KPNA3: variants seen among roughly 807,000 people sequenced by gnomAD.
KPNA3 encodes the protein importin subunit alpha-4.
Under a neutral mutation model 73.8 loss-of-function variants are expected in KPNA3, and 13 were observed. That is an observed-to-expected ratio of 0.18 (90% CI 0.11 to 0.28). The LOEUF (loss-of-function observed/expected upper bound fraction) is 0.28, where lower values mean the gene tolerates loss of function less well. Among genes scored for constraint, KPNA3 ranks in the 10% least tolerant of loss-of-function variants. The pLI is 1.00. For synonymous variants in KPNA3, 186 were observed against 206.9 expected, an observed-to-expected ratio of 0.90 and a Z score of 0.87; for missense variants, 360 against 618.1, an observed-to-expected ratio of 0.58 and a Z score of 4.43.
rs182336873 is a variant in KPNA3, at chr13:49,709,220, G to A, written c.1032+352C>T. Among the ~76,000 whole-genome samples, 387 of 152,116 alleles carry A rather than the reference G, an allele frequency of 2.5e-3. 1 individual carries two copies. Among genetic ancestry groups the A allele is most frequent in the African/African-American group, 9.1e-3 (377 of 41,482 alleles). On this transcript the variant is annotated intron_variant, in intron 12 of 16. Transcript: ENST00000261667. The stretch of plus-strand genomic sequence containing the variant: ...GTTCGAGACCAGCCTGGCCAATATG[G>A]TGAAACCCCATCTCTACTAAAAATA...
chr13:49,709,451 T>A, intron 12 of KPNA3, 121 bp downstream of exon 12: 4 of 686,998 alleles, frequency 5.8e-6, no homozygotes, highest in South Asian at 2.8e-5. Context: ...TGATTTAAAA[T>A]AATTCTCATC....
chr13:49,771,154 AAGC>A (rs1954852345), intron 1 of KPNA3, among the ~76,000 whole-genome samples: 1 of 151,364 alleles, frequency 6.6e-6, no homozygotes, highest in African/African-American at 2.4e-5. Context: ...AGAGAAAAAG[AAGC>A]CAAAAGAAAA....
At chr13:49,764,798 C>G (rs1281377853) in intron 1 of KPNA3, among the ~76,000 whole-genome samples, 5 of 151,276 alleles carry the variant, frequency 3.3e-5, no homozygotes, top group African/African-American at 1.2e-4. Context: ...TTTCTTTTAA[C>G]TAGTTCCTGT....
chr13:49,734,883 T>C (rs1954505181), intron 2 of KPNA3, among the ~76,000 whole-genome samples: 1 of 151,052 alleles, frequency 6.6e-6, no homozygotes, highest in African/African-American at 2.4e-5. Context: ...CCCTTCTAAT[T>C]TTGCAAATTT....
chr13:49,778,698 C>G (rs757286455), intron 1 of KPNA3, among the ~76,000 whole-genome samples: 2 of 152,138 alleles, frequency 1.3e-5, no homozygotes, highest in African/African-American at 2.4e-5. Context: ...GTGGCCTCCA[C>G]CTCATGGACT....
intron 7 of KPNA3, among the ~76,000 whole-genome samples, chr13:49,724,464 C>T (rs1057323629): frequency 2.6e-5 from 4 of 151,718 alleles, no homozygotes; most frequent in Admixed American, 2.0e-4. Context: ...CCACCATGCC[C>T]GGCTAATTTT....
At chr13:49,768,139 C>T (rs1475595529) in intron 1 of KPNA3, among the ~76,000 whole-genome samples, 1 of 151,822 alleles carries the variant, frequency 6.6e-6, no homozygotes, top group Non-Finnish European at 1.5e-5. Flanking sequence ...ATTAGCCGGG[C>T]GTGGTGGCAG....
intron 6 of KPNA3, among the ~76,000 whole-genome samples, chr13:49,731,317 G>C (rs1461718208): frequency 7.8e-6 from 1 of 128,512 alleles, no homozygotes; most frequent in Non-Finnish European, 1.5e-5. Flanking sequence ...TCGAACTCCT[G>C]GACTCAAGCG....
At chr13:49,765,402 C>T (rs889391285) in intron 1 of KPNA3, among the ~76,000 whole-genome samples, 14 of 152,150 alleles carry the variant, frequency 9.2e-5, no homozygotes, top group South Asian at 4.1e-4. Flanking sequence ...GTCATAACAG[C>T]TTTGAGATAT....
intron 12 of KPNA3, among the ~76,000 whole-genome samples, chr13:49,709,282 T>A (rs1359610920): frequency 6.6e-6 from 1 of 151,370 alleles, no homozygotes; most frequent in Non-Finnish European, 1.5e-5. Context: ...GCACCTGTAG[T>A]CCCAGCTTCT....
intron 1 of KPNA3, among the ~76,000 whole-genome samples, chr13:49,781,459 G>A (rs1283635440): frequency 6.6e-6 from 1 of 151,164 alleles, no homozygotes; most frequent in African/African-American, 2.4e-5. Context: ...TAAACTTTGT[G>A]AGGATTATTT....
At chr13:49,737,454 T>C (rs1056342120) in intron 2 of KPNA3, among the ~76,000 whole-genome samples, 8 of 152,216 alleles carry the variant, frequency 5.3e-5, no homozygotes, top group Admixed American at 1.3e-4. Context: ...CTGAACATCT[T>C]TTCATGTGCT....
chr13:49,722,822 T>C (rs981331667), intron 7 of KPNA3, among the ~76,000 whole-genome samples: 1 of 94,394 alleles, frequency 1.1e-5, no homozygotes, highest in South Asian at 3.9e-4. Flanking sequence ...ATCCTTCCTA[T>C]AATCCATTAA....
At position 49,703,183 on chromosome 13, in the gene KPNA3, C is replaced by CTTT. The variant is rs35282756; in HGVS notation, c.1373-706_1373-704dup. On this transcript the variant is annotated intron_variant, in intron 15 of 16. Coordinates refer to ENST00000261667, the MANE Select transcript of KPNA3 (RefSeq NM_002267.4). ...GCGCCTGGGCATTTTTTCTTTCTTT[C>CTTT]TTTTTTTTTTTTTTTTTTGAGACGG... Among the ~76,000 whole-genome samples, 624 of 109,194 alleles carry CTTT rather than the reference C, an allele frequency of 5.7e-3. 16 individuals are homozygous for CTTT. Among genetic ancestry groups the CTTT allele is most frequent in the South Asian group, 0.015 (48 of 3,148 alleles). 71.6% of individuals were successfully genotyped at this position (109,194 alleles called of 152,430 possible).
chr13:49,727,776 C>T (rs1202145643), intron 6 of KPNA3, among the ~76,000 whole-genome samples: 2 of 151,920 alleles, frequency 1.3e-5, no homozygotes, highest in East Asian at 3.9e-4. Context: ...GAAAAGAGCC[C>T]CTAGAAGAGC....
intron 7 of KPNA3, among the ~76,000 whole-genome samples, chr13:49,722,903 A>G (rs1182253225): frequency 6.6e-6 from 1 of 151,870 alleles, no homozygotes; most frequent in Non-Finnish European, 1.5e-5. Flanking sequence ...TTAGTCTACA[A>G]AATCTCAATT....
intron 1 of KPNA3, among the ~76,000 whole-genome samples, chr13:49,786,093 T>C (rs1594465971): frequency 6.6e-6 from 1 of 152,220 alleles, no homozygotes; most frequent in African/African-American, 2.4e-5. Context: ...GAGTTCATGT[T>C]ACAGAAATAC....
chr13:49,766,025 G>C (rs74590935), intron 1 of KPNA3, among the ~76,000 whole-genome samples: 3,284 of 152,118 alleles, frequency 0.022, 49 homozygotes, highest in South Asian at 0.03. Context: ...TTCCTCACTG[G>C]TCTTACTTAA....
chr13:49,709,626 A>T lies in KPNA3; in HGVS notation c.978T>A (p.Asp326Glu). 6.2e-7 allele frequency: 1 copy of T among 1,613,674 alleles called. No individual in the cohort carries two copies. The highest frequency in any genetic ancestry group is 8.5e-7 in the Non-Finnish European group (1 of 1,179,614). ...DEQTQVVLNC[D>E]VLSHFPNLLS... The stretch of plus-strand genomic sequence containing the variant: ...AGAGATTTGGGAAGTGTGACAGGAC[A>T]TCACAATTGAGAACAACCTGGGTCT... Residue 326 changes from aspartate (D) to glutamate (E), a missense_variant, in exon 12 of 17, where the codon GAT (aspartate) becomes GAA (glutamate). Around this residue, in one of 3 missense-constraint regions of KPNA3, gnomAD observed 287 missense variants for 549.1 expected, o/e 0.52. Transcript: ENST00000261667.
Sources: allele counts gnomAD v4.1 joint callset (sites outside exome capture counted in the v4.1 genomes callset), GRCh38; gene constraint gnomAD v4.1.1; regional missense constraint gnomAD v4.1.1; transcripts MANE v1.5; gene names NCBI Gene and HGNC (gene_info 2026-07-23, HGNC 2026-07-21).